The following KATNAL2 variants were observed in gnomAD, a reference collection of about 807,000 sequenced individuals.
The protein encoded by KATNAL2 is katanin catalytic subunit A1 like 2.
A neutral mutation model predicts 76.3 loss-of-function variants in KATNAL2; 52 were observed. The observed-to-expected ratio is 0.68, with a 90% CI of 0.55 to 0.86. The LOEUF (loss-of-function observed/expected upper bound fraction) is 0.86. Among genes scored for constraint, KATNAL2 ranks in the 40% least tolerant of loss-of-function variants. The pLI, the probability that KATNAL2 is intolerant of heterozygous loss-of-function variation, is 0.00. For missense variants in KATNAL2, 660 were observed against 668.9 expected, an observed-to-expected ratio of 0.99 and a Z score of 0.15; for synonymous variants, 243 against 244.2, an observed-to-expected ratio of 1.00 and a Z score of 0.05.
At chr18:47,069,987 T>C (rs2061939492) in intron 13 of KATNAL2, among the ~76,000 whole-genome samples, 1 of 152,344 alleles carries the variant, frequency 6.6e-6, no homozygotes, top group Non-Finnish European at 1.5e-5. Context: ...TTAGTCCCTA[T>C]GCTAGATACT....
chr18:47,075,346 A>G lies in KATNAL2; in HGVS notation c.1078A>G (p.Ser360Gly), dbSNP rs745879156. The G allele has an allele frequency of 1.3e-6, 2 of 1,548,832 alleles. No individual in the cohort carries two copies. Among genetic ancestry groups the G allele is most frequent in the South Asian group, 2.5e-5 (2 of 79,800 alleles). ...CCTGGACGAGCTGGAGTCGGTGATG[A>G]GTCAGAGAGGCACAGCTTCTGGGTA... ...IFLDELESVM[S>G]QRGTASGGEH... Residue 360 changes from serine to glycine, a missense_variant, in exon 14 of 18, where the codon AGT (serine) becomes GGT (glycine). Physicochemically the swap from Ser to Gly is moderately conservative, Grantham distance 56. Coordinates refer to ENST00000683218, the MANE Select transcript of KATNAL2 (RefSeq NM_001387690.1).
intron 1 of KATNAL2, among the ~76,000 whole-genome samples, chr18:46,922,730 G>C (rs554045567): frequency 1.3e-5 from 2 of 151,992 alleles, no homozygotes; most frequent in South Asian, 4.1e-4. Context: ...CCAGGAGGCA[G>C]AGGTTGCAGT....
chr18:47,052,819 T>C (rs2061373566), intron 4 of KATNAL2, 61 bp from the exon 5 acceptor site: 2 of 1,315,648 alleles, frequency 1.5e-6, no homozygotes, highest in Non-Finnish European at 2.1e-6. Context: ...TTGTAATGCC[T>C]GTTAGCCATT....
At chr18:46,921,690 TAAC>T (rs2058554589) in intron 1 of KATNAL2, among the ~76,000 whole-genome samples, 1 of 143,856 alleles carries the variant, frequency 7.0e-6, no homozygotes, top group Non-Finnish European at 1.5e-5. Context: ...GATAAACACA[TAAC>T]AAAAAAAAAA....
intron 1 of KATNAL2, among the ~76,000 whole-genome samples, chr18:46,945,514 C>T (rs1166160990): frequency 6.6e-6 from 1 of 152,104 alleles, no homozygotes; most frequent in African/African-American, 2.4e-5. Flanking sequence ...AGTGGGGTTG[C>T]CTGTATCCAG....
chr18:46,942,869 G>C (rs1184323432), intron 1 of KATNAL2, among the ~76,000 whole-genome samples: 1 of 151,838 alleles, frequency 6.6e-6, no homozygotes, highest in Non-Finnish European at 1.5e-5. Flanking sequence ...TTGGATGTTG[G>C]ATATTGTGAA....
chr18:47,054,491 ATCCCT>A, intron 6 of KATNAL2, 53 bp downstream of exon 6: 1 of 1,542,230 alleles, frequency 6.5e-7, no homozygotes, highest in Non-Finnish European at 9.0e-7. Flanking sequence ...AGCTTGTGGA[ATCCCT>A]TTCCAGAAGC....
intron 3 of KATNAL2, among the ~76,000 whole-genome samples, chr18:46,957,745 A>T (rs2059807736): frequency 6.7e-6 from 1 of 149,902 alleles, no homozygotes; most frequent in African/African-American, 2.5e-5. Context: ...TATTTTTAGT[A>T]GAGACAGGGT....
chr18:47,098,988 C>A, intron 15 of KATNAL2: 1 of 353,204 alleles, frequency 2.8e-6, no homozygotes, highest in Non-Finnish European at 5.1e-6. Context: ...TTCTTCCATT[C>A]ATCCTTCCTT....
intron 1 of KATNAL2, among the ~76,000 whole-genome samples, chr18:46,925,654 C>A (rs1304953846): frequency 1.3e-5 from 2 of 151,942 alleles, no homozygotes; most frequent in Non-Finnish European, 1.5e-5. Flanking sequence ...TTTCAGAAGG[C>A]ATGGTACCAG....
At position 46,946,134 on chromosome 18, in the gene KATNAL2, A is replaced by T; in HGVS notation, c.-432A>T. 1 of 769,256 alleles carries T rather than the reference A, an allele frequency of 1.3e-6. No homozygotes were observed. The highest frequency in any genetic ancestry group is 1.6e-6 in the Non-Finnish European group (1 of 628,786). The allele number at this position is 769,256 out of a possible 1,614,324, so 47.7% of individuals were successfully genotyped here. On this transcript the variant is annotated 5_prime_UTR_variant, in exon 2 of 18. It removes the in-frame stop codon of an upstream open reading frame in the 5' UTR. Transcript: ENST00000683218. ...GAAATGGATGAAGAAGACCGAAGAT[A>T]ATGATGAAGGGATAATTTGGAATAG...
intron 15 of KATNAL2, chr18:47,084,585 A>T (rs552676704): frequency 3.4e-6 from 2 of 583,774 alleles, no homozygotes; most frequent in Non-Finnish European, 6.1e-6. Context: ...GCAGTGGCTC[A>T]TGCCTGTAAT....
chr18:47,033,660 C>G lies in KATNAL2; in HGVS notation c.52-12797C>G, dbSNP rs762173120. The G allele has an allele frequency of 2.4e-5, 39 of 1,614,090 alleles. No individual in the cohort carries two copies. The highest frequency in any genetic ancestry group is 3.0e-5 in the Non-Finnish European group (35 of 1,180,052). ...GGGCGTCCGGATTGTTTCTAAGCAC[C>G]TGGGCACACTGCTGGCGCAGCGTCG... On this transcript the variant is annotated intron_variant, in intron 3 of 17. Transcript: ENST00000683218.
intron 15 of KATNAL2, chr18:47,077,664 A>G (rs573957574): frequency 7.1e-4 from 335 of 469,818 alleles, no homozygotes; most frequent in African/African-American, 4.1e-3. Context: ...AACACAGGCC[A>G]GGGTGACCAT....
intron 1 of KATNAL2, among the ~76,000 whole-genome samples, chr18:46,934,584 C>T (rs1344200676): frequency 1.3e-5 from 2 of 152,092 alleles, no homozygotes; most frequent in Non-Finnish European, 2.9e-5. Context: ...AAAATTTTCT[C>T]CCATTCTGTA....
chr18:46,955,134 C>CTG, intron 3 of KATNAL2, among the ~76,000 whole-genome samples: 1 of 123,840 alleles, frequency 8.1e-6, no homozygotes, highest in Admixed American at 8.2e-5. Context: ...TTCTTTCTTT[C>CTG]TCTCTCTCTT....
chr18:46,932,144 C>G (rs1216052572), intron 1 of KATNAL2, among the ~76,000 whole-genome samples: 1 of 152,044 alleles, frequency 6.6e-6, no homozygotes, highest in Non-Finnish European at 1.5e-5. Context: ...ATCTCCTGAC[C>G]TCGTGATCCG....
chr18:46,932,011 A>T (rs1433878319), intron 1 of KATNAL2, among the ~76,000 whole-genome samples: 1 of 151,698 alleles, frequency 6.6e-6, no homozygotes, highest in Admixed American at 6.6e-5. Flanking sequence ...CCTGGGTTCA[A>T]GTGATTCTCC....
chr18:47,077,564 T>G (rs1039165886), intron 15 of KATNAL2, 103 bp downstream of exon 15: 2 of 771,316 alleles, frequency 2.6e-6, no homozygotes, highest in Non-Finnish European at 4.4e-6. Context: ...GTTGTTTGGC[T>G]GCAGCCCTGG....
Sources: gnomAD v4.1 joint callset for allele counts (sites outside exome capture counted in the v4.1 genomes callset) on GRCh38, gnomAD v4.1.1 for gene constraint, MANE v1.5 for transcripts, NCBI Gene and HGNC (gene_info 2026-07-23, HGNC 2026-07-21) for gene names.